Variants in ATP9B observed in about 807,000 individuals in gnomAD.
ATP9B encodes probable phospholipid-transporting ATPase IIB.
ATP9B carries 110 observed loss-of-function variants against 146.1 expected under a neutral mutation model. That is an observed-to-expected ratio of 0.75 (90% CI 0.65 to 0.88). The LOEUF (loss-of-function observed/expected upper bound fraction) is 0.88, where lower values mean the gene tolerates loss of function less well. ATP9B is among the 40% of genes least tolerant of loss of function. ATP9B has a pLI of 0.00. For synonymous variants in ATP9B, 604 were observed against 569.7 expected (o/e 1.06, Z -0.86); for missense variants, 1,499 against 1,496.4 (o/e 1.00, Z -0.03).
intron 25 of ATP9B, 51 bp downstream of exon 25, chr18:79,348,247 T>TTA: frequency 9.1e-7 from 1 of 1,094,256 alleles, no homozygotes; most frequent in African/African-American, 3.0e-5. Flanking sequence ...ACTTCTATTT[T>TTA]GAAAAAAAAA....
At chr18:79,088,248 A>G (rs2074010214) in intron 1 of ATP9B, among the ~76,000 whole-genome samples, 1 of 152,242 alleles carries the variant, frequency 6.6e-6, no homozygotes, top group African/African-American at 2.4e-5. Context: ...GACTTTTACT[A>G]AAATAAGACA....
chr18:79,234,431 C>T (rs895939286), intron 11 of ATP9B, among the ~76,000 whole-genome samples: 2 of 152,234 alleles, frequency 1.3e-5, no homozygotes, highest in African/African-American at 4.8e-5. Flanking sequence ...TGCAGCCACA[C>T]CTTTTCTTTG....
chr18:79,142,444 A>G (rs894149526), intron 5 of ATP9B, among the ~76,000 whole-genome samples: 5 of 152,170 alleles, frequency 3.3e-5, no homozygotes, highest in Non-Finnish European at 5.9e-5. Flanking sequence ...TGAAAAAAAT[A>G]GAAGGAAAGA....
intron 9 of ATP9B, among the ~76,000 whole-genome samples, chr18:79,202,927 A>G (rs1052224119): frequency 1.3e-5 from 2 of 152,232 alleles, no homozygotes; most frequent in African/African-American, 2.4e-5. Context: ...TAAAATTTTT[A>G]TGTTTTTTAA....
At position 79,126,310 on chromosome 18, in the gene ATP9B, A is replaced by T. The variant is rs746074871; in HGVS notation, c.602A>T (p.Glu201Val). ...AVTMTREAID[E>V]FRRFQRDKEV... ...ACTATGACACGGGAAGCAATTGATG[A>T]ATTTCGGCGTTTTCAGCGTGACAAG... The change falls in exon 5 of 30, where the codon GAA becomes GTA. Residue 201 changes from glutamate (E) to valine (V), a missense_variant. By Grantham distance (121) the Glu-to-Val change is moderately radical. Transcript: ENST00000426216. 3 of 1,612,244 alleles carry T rather than the reference A, an allele frequency of 1.9e-6. No individual in the cohort carries two copies. Among genetic ancestry groups the T allele is most frequent in the Middle Eastern group, 3.3e-4 (2 of 6,050 alleles).
At position 79,307,000 on chromosome 18, in the gene ATP9B, T is replaced by A. The variant is rs3760541; in HGVS notation, c.1539T>A (p.Ala513=). 22 of 1,613,666 alleles carry A rather than the reference T, an allele frequency of 1.4e-5. No individual in the cohort carries two copies. The highest frequency in any genetic ancestry group is 1.2e-4 in the Admixed American group (7 of 59,964). ...RDSYSQMQSQ[A]GGNNTGSTPL... ...ATATTCTAAAGATGCAGTCTCAAGC[T>A]GGTGGAAACAATACTGGTTCAACTC... The change falls in exon 15 of 30, where the codon GCT becomes GCA. Residue 513 remains alanine (A), a synonymous_variant. Coordinates refer to ENST00000426216, the MANE Select transcript of ATP9B (RefSeq NM_198531.5).
intron 11 of ATP9B, among the ~76,000 whole-genome samples, chr18:79,232,170 C>G (rs2095799391): frequency 6.6e-6 from 1 of 152,158 alleles, no homozygotes; most frequent in Non-Finnish European, 1.5e-5. Context: ...CCAACCCCCT[C>G]TAGTCTTCCT....
chr18:79,225,239 T>C (rs987399583), intron 11 of ATP9B, among the ~76,000 whole-genome samples: 2 of 152,196 alleles, frequency 1.3e-5, no homozygotes, highest in African/African-American at 4.8e-5. Context: ...GACATTAGAG[T>C]AGAAACTGTA....
chr18:79,243,148 T>G (rs2095905467), intron 11 of ATP9B, among the ~76,000 whole-genome samples: 1 of 152,230 alleles, frequency 6.6e-6, no homozygotes, highest in Non-Finnish European at 1.5e-5. Flanking sequence ...TTACCTATTA[T>G]TAGCTTCTGG....
intron 11 of ATP9B, among the ~76,000 whole-genome samples, chr18:79,232,633 A>G (rs990786643): frequency 6.6e-6 from 1 of 152,262 alleles, no homozygotes; most frequent in Non-Finnish European, 1.5e-5. Flanking sequence ...AAACAAAGCA[A>G]GCATCATAGC....
chr18:79,332,817 T>C (rs2096798806), intron 17 of ATP9B: 1 of 152,228 alleles, frequency 6.6e-6, no homozygotes, highest in Non-Finnish European at 1.5e-5. Context: ...CTGTAACACA[T>C]GACCCTATAG....
intron 17 of ATP9B, among the ~76,000 whole-genome samples, chr18:79,335,590 C>A (rs2096819817): frequency 6.6e-6 from 1 of 152,220 alleles, no homozygotes; most frequent in African/African-American, 2.4e-5. Flanking sequence ...GCTCCCCCAA[C>A]TCTGGAAGGC....
In ATP9B at chr18:79,213,944, A is replaced by G. The variant is rs1293857498; in HGVS notation, c.1031-18A>G. Reference sequence around the variant, plus strand: ...TCTTTAAAGTATTTCTACAAGGACCACTTTCATGTTTTTGCAGGTACTGTA... The same window carrying G: ...TCTTTAAAGTATTTCTACAAGGACCGCTTTCATGTTTTTGCAGGTACTGTA... On this transcript the variant is annotated intron_variant, in intron 10 of 29. Transcript: ENST00000426216. The G allele has an allele frequency of 1.5e-5, 23 of 1,573,352 alleles. No homozygotes were observed. The Admixed American group carries it at 2.7e-4, about 18-fold the overall frequency.
rs554125909 is a variant in ATP9B at position 79,333,406 on chromosome 18, C to A, written c.2029-3222C>A. Among the ~76,000 whole-genome samples the A allele has an allele frequency of 2.0e-5, 3 of 152,334 alleles. No individual in the cohort carries two copies. The South Asian group carries it at 6.2e-4, about 32-fold the overall frequency. The stretch of plus-strand genomic sequence containing the variant: ...TGCAGATTCTCAGTGTTCAGCACAA[C>A]ATTGCACAAACCAGGTTTACTAGTA... On this transcript the variant is annotated intron_variant, in intron 17 of 29. Transcript: ENST00000426216.
chr18:79,257,349 G>A (rs2096092776), intron 12 of ATP9B, among the ~76,000 whole-genome samples: 1 of 152,220 alleles, frequency 6.6e-6, no homozygotes, highest in African/African-American at 2.4e-5. Context: ...AGTGTTGTCA[G>A]TAAATAGTCA....
chr18:79,248,403 A>G (rs910647126), intron 11 of ATP9B, among the ~76,000 whole-genome samples: 1 of 152,228 alleles, frequency 6.6e-6, no homozygotes, highest in African/African-American at 2.4e-5. Flanking sequence ...TTCTACTAGC[A>G]GTGGAAAATA....
intron 12 of ATP9B, among the ~76,000 whole-genome samples, chr18:79,275,487 C>T (rs1332469327): frequency 6.6e-6 from 1 of 152,260 alleles, no homozygotes; most frequent in Non-Finnish European, 1.5e-5. Flanking sequence ...CAGGAATGTC[C>T]TTAGCTTTTC....
intron 26 of ATP9B, chr18:79,372,296 C>T (rs2097076511): frequency 5.1e-6 from 1 of 195,868 alleles, no homozygotes; most frequent in Admixed American, 5.6e-5. Flanking sequence ...AGTGAAGGGC[C>T]TGGCGCAAGG....
rs116477716 is a variant in ATP9B at position 79,070,015 on chromosome 18, C to T, written c.119+486C>T. ...TTGCTAGGCACACTTTTTGTTTAAA[C>T]ATATATATACAAAGTGCTTTTTGTC... On this transcript the variant is annotated intron_variant, in intron 1 of 29. Coordinates refer to ENST00000426216, the MANE Select transcript of ATP9B (RefSeq NM_198531.5). 4.9e-3 allele frequency among the ~76,000 whole-genome samples: 742 copies of T among 152,134 alleles called. 5 individuals carry two copies. The highest frequency in any genetic ancestry group is 0.024 in the South Asian group (118 of 4,818).
Sources: gnomAD v4.1 joint callset for allele counts (sites outside exome capture counted in the v4.1 genomes callset) on GRCh38, gnomAD v4.1.1 for gene constraint, MANE v1.5 for transcripts, NCBI Gene and HGNC (gene_info 2026-07-23, HGNC 2026-07-21) for gene names.